FBF1: variants seen among roughly 807,000 people sequenced by gnomAD.
FBF1 encodes Fas binding factor 1, also known as fas-binding factor 1.
FBF1 carries 119 observed loss-of-function variants against 147.2 expected under a neutral mutation model. That is an observed-to-expected ratio of 0.81 (90% CI 0.70 to 0.94). The LOEUF (loss-of-function observed/expected upper bound fraction) is 0.94. FBF1 is among the 40% of genes least tolerant of loss of function. The pLI, the probability that FBF1 is intolerant of heterozygous loss-of-function variation, is 0.00. For missense variants in FBF1, 1,449 were observed against 1,500.8 expected (o/e 0.97, Z 0.57); for synonymous variants, 601 against 609.0 (o/e 0.99, Z 0.19).
intron 29 of FBF1, among the ~76,000 whole-genome samples, chr17:75,911,813 T>C (rs758755421): frequency 2.6e-5 from 4 of 152,088 alleles, no homozygotes; most frequent in Non-Finnish European, 5.9e-5. Context: ...CCTGGTCCTC[T>C]TTTTTTAGTT....
Position 75,933,501 on chromosome 17 carries a change from A to G in FBF1, c.74-413T>C, listed in dbSNP as rs142172768. Among the ~76,000 whole-genome samples, 874 of 152,092 alleles carry G rather than the reference A, an allele frequency of 5.7e-3. 11 individuals are homozygous for G. Among genetic ancestry groups the G allele is most frequent in the African/African-American group, 0.02 (814 of 41,464 alleles). ...GCAGGAGAATCGCTTGAACCGGGAGACGGAGATTGCAGTGAGCTGAAATTG... is the reference window on the plus strand; with the variant it reads ...GCAGGAGAATCGCTTGAACCGGGAGGCGGAGATTGCAGTGAGCTGAAATTG... On this transcript the variant is annotated intron_variant, in intron 4 of 29. Transcript: ENST00000636174.
At chr17:75,927,425 T>A (rs1224259353) in intron 9 of FBF1, 30 bp downstream of exon 9, 1 of 1,556,918 alleles carries the variant, frequency 6.4e-7, no homozygotes, top group Admixed American at 1.9e-5. Flanking sequence ...AACCAGAGTG[T>A]CCCAGAGGCA....
rs751087251 is a variant in FBF1, at chr17:75,920,083, C to T, written c.1855G>A (p.Ala619Thr). 1 of 1,588,490 alleles carries T rather than the reference C, an allele frequency of 6.3e-7. No homozygotes were observed. Among genetic ancestry groups the T allele is most frequent in the South Asian group, 1.1e-5 (1 of 88,228 alleles). ...CTCCCCAGCAGCAGCTCATGCTGGGCCCGTTCTAGCTCCAGCTTCCGCACC... is the reference window on the plus strand; with the variant it reads ...CTCCCCAGCAGCAGCTCATGCTGGGTCCGTTCTAGCTCCAGCTTCCGCACC... The part of the protein sequence containing the change: ...AQVRKLELER[A>T]QHELLLGSLQ... The change falls in exon 19 of 30, where the codon GCC becomes ACC. Residue 619 changes from alanine (A) to threonine (T), a missense_variant. Coordinates refer to ENST00000636174, the MANE Select transcript of FBF1 (RefSeq NM_001319193.2).
chr17:75,931,043 C>T (rs1275064624), intron 6 of FBF1, among the ~76,000 whole-genome samples, 186 bp downstream of exon 6: 2 of 151,766 alleles, frequency 1.3e-5, no homozygotes, highest in African/African-American at 4.8e-5. Flanking sequence ...TGCAGTGAGC[C>T]GAGATCACAC....
In FBF1 at chr17:75,928,168, A is replaced by G. The variant is rs2065573747; in HGVS notation, c.305T>C (p.Ile102Thr). 1.4e-5 allele frequency: 22 copies of G among 1,613,706 alleles called. No homozygotes were observed. The highest frequency in any genetic ancestry group is 2.2e-5 in the East Asian group (1 of 44,896). ...MKDLDGMDAD[I>T]LGLKKSNSAP... is the part of the protein sequence containing the mutation. Reference sequence around the variant, plus strand: ...TGAATTAGATTTCTTCAGACCTAAGATATCAGCATCCATGCCGTCCAGGTC... The same window carrying G: ...TGAATTAGATTTCTTCAGACCTAAGGTATCAGCATCCATGCCGTCCAGGTC... Residue 102 changes from isoleucine (I) to threonine (T), a missense_variant, in exon 8 of 30, where the codon ATC becomes ACC. By Grantham distance (89) the Ile-to-Thr change is moderately conservative. Transcript: ENST00000636174. The surrounding 1 kb of genome is among the most constrained non-coding windows in gnomAD (Gnocchi z 4.2).
chr17:75,934,382 G>A (rs1460458878), intron 4 of FBF1, among the ~76,000 whole-genome samples: 1 of 152,042 alleles, frequency 6.6e-6, no homozygotes, highest in African/African-American at 2.4e-5. Flanking sequence ...CCAACATGGC[G>A]AAAACCCATC....
Position 75,921,542 on chromosome 17 carries a change from GTTC to G in FBF1, c.1542_1544del (p.Gln514_Asn515delinsHis). 6.2e-7 allele frequency: 1 copy of G among 1,605,296 alleles called. No individual in the cohort carries two copies. Among genetic ancestry groups the G allele is most frequent in the Non-Finnish European group, 8.5e-7 (1 of 1,174,780 alleles). On this transcript the variant is annotated inframe_deletion, in exon 16 of 30. Coordinates refer to ENST00000636174, the MANE Select transcript of FBF1 (RefSeq NM_001319193.2). Reference sequence around the variant, plus strand: ...CTGTAGGGAGTGCTGAGGCGGCATGGTTCTGAGTCACAGGGGACCTGAGGACAC... The same window carrying G: ...CTGTAGGGAGTGCTGAGGCGGCATGGTGAGTCACAGGGGACCTGAGGACAC...
At position 75,910,052 on chromosome 17, in the gene FBF1, G is replaced by A. The variant is rs1184461411; in HGVS notation, c.*671C>T. ...CATCGCCACAGCTCCCTCCGCCGCC[G>A]GTGGGGCACCCAGATGGGGAGGAAG... is the stretch of plus-strand genomic sequence containing the variant. On this transcript the variant is annotated 3_prime_UTR_variant, in exon 30 of 30. Transcript: ENST00000636174. This position sits in a 1 kb window ranked among gnomAD's most constrained non-coding sequence, Gnocchi z 4.1. The A allele has an allele frequency of 1.9e-5, 12 of 638,178 alleles. No homozygotes were observed. Among genetic ancestry groups the A allele is most frequent in the South Asian group, 4.5e-5 (3 of 65,994 alleles). 39.5% of individuals were successfully genotyped at this position (638,178 alleles called of 1,614,324 possible). A position where few individuals can be genotyped will look rare whatever the true frequency, so the allele number is the denominator to read the frequency against.
rs1371364959 is a variant in FBF1, at chr17:75,923,833, C to T, written c.969-192G>A. Among the ~76,000 whole-genome samples the T allele has an allele frequency of 6.6e-6, 1 of 152,162 alleles. No individual in the cohort carries two copies. The highest frequency in any genetic ancestry group is 1.9e-4 in the East Asian group (1 of 5,204). On this transcript the variant is annotated intron_variant, in intron 13 of 29. Coordinates refer to ENST00000636174, the MANE Select transcript of FBF1 (RefSeq NM_001319193.2). The surrounding 1 kb of genome is among the most constrained non-coding windows in gnomAD (Gnocchi z 4.1). ...GTAGAACACCACGAAGTACAGAGAC[C>T]TTGACTTCCATCACATGAACCAGGG...
chr17:75,920,012 T>G lies in FBF1; in HGVS notation c.1926A>C (p.Ala642=), dbSNP rs772134558. ...TGGGGCCAGCGCCAGGGTACCTGTG[T>G]GCACTCTCGATGAGCTCCAGGTCTG... The part of the protein sequence containing the change: ...HQADLELIES[A]HRSRIKVLET... The change falls in exon 19 of 30, where the codon GCA becomes GCC. Residue 642 remains alanine (A), a synonymous_variant. Coordinates refer to ENST00000636174, the MANE Select transcript of FBF1 (RefSeq NM_001319193.2). The G allele has an allele frequency of 1.2e-6, 2 of 1,607,542 alleles. No homozygotes were observed.
In FBF1 at chr17:75,926,842, C is replaced by A. The variant is rs770130484; in HGVS notation, c.511G>T (p.Asp171Tyr). Residue 171 changes from aspartate to tyrosine, a missense_variant, in exon 10 of 30, where the codon GAT (aspartate) becomes TAT (tyrosine). Physicochemically the swap from Asp to Tyr is radical, Grantham distance 160. Transcript: ENST00000636174. ...EDPLRGLLSY[D>Y]EGGITKQPPV... ...GGCTGCTTGGTGATTCCTCCTTCAT[C>A]ATAGGAGAGAAGTCCTCTCAATGGG... The A allele has an allele frequency of 6.2e-7, 1 of 1,613,518 alleles. No individual in the cohort carries two copies. Among genetic ancestry groups the A allele is most frequent in the South Asian group, 1.1e-5 (1 of 90,882 alleles).
At chr17:75,934,606 G>A (rs576598251) in intron 4 of FBF1, among the ~76,000 whole-genome samples, 64 of 150,034 alleles carry the variant, frequency 4.3e-4, no homozygotes, top group Non-Finnish European at 7.8e-4. Flanking sequence ...GGCCGGGCGC[G>A]GTGGCTCAAT....
chr17:75,937,832 T>C, intron 2 of FBF1: 2 of 632,620 alleles, frequency 3.2e-6, no homozygotes, highest in Non-Finnish European at 5.6e-6. Flanking sequence ...GGTCACTCCT[T>C]TCCCAGACAC....
Position 75,918,205 on chromosome 17 carries a change from C to A in FBF1, c.2203G>T (p.Asp735Tyr). ...EQLQRLKLLKDREVDAATSAT... is the reference protein window; with the variant it reads ...EQLQRLKLLKYREVDAATSAT... The stretch of plus-strand genomic sequence containing the variant: ...CTGGTGGCCGCATCGACCTCTCGGT[C>A]CTTCAGCAGCTTTAGCCGCTGCAGC... The change falls in exon 21 of 30, where the codon GAC becomes TAC. Residue 735 changes from aspartate (D) to tyrosine (Y), a missense_variant. By Grantham distance (160) the Asp-to-Tyr change is radical. Transcript: ENST00000636174. The surrounding 1 kb of genome is among the most constrained non-coding windows in gnomAD (Gnocchi z 5.8). 1 of 1,613,446 alleles carries A rather than the reference C, an allele frequency of 6.2e-7. No individual in the cohort carries two copies. Among genetic ancestry groups the A allele is most frequent in the Non-Finnish European group, 8.5e-7 (1 of 1,179,866 alleles).
At chr17:75,921,063 G>T (rs1025323416) in intron 17 of FBF1, among the ~76,000 whole-genome samples, 181 bp downstream of exon 17, 1 of 152,258 alleles carries the variant, frequency 6.6e-6, no homozygotes, top group Non-Finnish European at 1.5e-5. Flanking sequence ...CCCAGGAGCA[G>T]CGAGGCTAGA....
In FBF1 at chr17:75,919,972, G is replaced by C; in HGVS notation, c.1931+35C>G. The C allele has an allele frequency of 6.2e-7, 1 of 1,609,802 alleles. No individual in the cohort carries two copies. Among genetic ancestry groups the C allele is most frequent in the Non-Finnish European group, 8.5e-7 (1 of 1,177,148 alleles). On this transcript the variant is annotated intron_variant, in intron 19 of 29. Coordinates refer to ENST00000636174, the MANE Select transcript of FBF1 (RefSeq NM_001319193.2). The surrounding 1 kb of genome is among the most constrained non-coding windows in gnomAD (Gnocchi z 5.0). ...TGGGTGGCCTTTGGGGTCAGTGTGA[G>C]ATCCAAGGCAGAGCTGGGGCCAGCG...
rs369710751 is a variant in FBF1, at chr17:75,918,294, C to T, written c.2139-25G>A. On this transcript the variant is annotated intron_variant, in intron 20 of 29. Coordinates refer to ENST00000636174, the MANE Select transcript of FBF1 (RefSeq NM_001319193.2). This position sits in a 1 kb window ranked among gnomAD's most constrained non-coding sequence, Gnocchi z 5.8. Reference sequence around the variant, plus strand: ...CCTGAGGGGAGGCGGGAGGGGAAGGCGGTCACTCTGAGCTGGATCACCCTG... The same window carrying T: ...CCTGAGGGGAGGCGGGAGGGGAAGGTGGTCACTCTGAGCTGGATCACCCTG... 11 of 1,595,648 alleles carry T rather than the reference C, an allele frequency of 6.9e-6. No individual in the cohort carries two copies. The highest frequency in any genetic ancestry group is 6.7e-5 in the East Asian group (3 of 44,616).
rs1313037062 is a variant in FBF1 at position 75,935,631 on chromosome 17, C to T, written c.73+1G>A. ...GGGGATTCTGGGCAAGGCACACTTA[C>T]TATCATCCCCTAGAAGGTCACCAAG... On this transcript the variant is annotated splice_donor_variant, in intron 4 of 29. Transcript: ENST00000636174. LOFTEE classifies it high-confidence loss of function. 6.5e-7 allele frequency: 1 copy of T among 1,536,730 alleles called. No individual in the cohort carries two copies. The highest frequency in any genetic ancestry group is 1.4e-5 in the African/African-American group (1 of 73,084).
rs1195885670 is a variant in FBF1 at position 75,935,692 on chromosome 17, T to A, written c.32-19A>T. ...ATGGAGCCTGGAACAGAAAAGGGAC[T>A]GTCATGACTTCAGGAGGAAAGAAGA... On this transcript the variant is annotated intron_variant, in intron 3 of 29. Coordinates refer to ENST00000636174, the MANE Select transcript of FBF1 (RefSeq NM_001319193.2). 1 of 1,535,966 alleles carries A rather than the reference T, an allele frequency of 6.5e-7. No individual in the cohort carries two copies. The highest frequency in any genetic ancestry group is 8.7e-7 in the Non-Finnish European group (1 of 1,146,420).
Sources: allele counts gnomAD v4.1 joint callset (sites outside exome capture counted in the v4.1 genomes callset), GRCh38; gene constraint gnomAD v4.1.1; non-coding constraint Gnocchi (gnomAD v3.1); transcripts MANE v1.5; gene names NCBI Gene and HGNC (gene_info 2026-07-23, HGNC 2026-07-21).